PDE1C: variants seen among roughly 807,000 people sequenced by gnomAD.
PDE1C encodes the protein dual specificity calcium/calmodulin-dependent 3',5'-cyclic nucleotide phosphodiesterase 1C.
PDE1C carries 62 observed loss-of-function variants against 93.1 expected under a neutral mutation model. That is an observed-to-expected ratio of 0.67 (90% confidence interval 0.54 to 0.82). The LOEUF (loss-of-function observed/expected upper bound fraction) is 0.82. Ranked by LOEUF, PDE1C falls within the 40% of genes least tolerant of loss-of-function variation. The pLI is 0.00. For missense variants in PDE1C, 742 were observed against 884.6 expected (o/e 0.84, Z 2.04); for synonymous variants, 325 against 310.1 (o/e 1.05, Z -0.50).
At chr7:31,719,556 C>G in the PDE1C span, among the ~76,000 whole-genome samples, 1 of 152,204 alleles carries the variant, frequency 6.6e-6, no homozygotes, top group African/African-American at 2.4e-5. Context: ...AATGTTCTCA[C>G]AAGTTCCAGG....
chr7:32,205,733 C>T (rs887713444), intron 2 of PDE1C, among the ~76,000 whole-genome samples: 21 of 152,164 alleles, frequency 1.4e-4, no homozygotes, highest in African/African-American at 4.8e-4. Flanking sequence ...ACTCATTCTG[C>T]AGTTTCACTC....
At chr7:31,739,522 T>G in the PDE1C span, among the ~76,000 whole-genome samples, 7 of 152,312 alleles carry the variant, frequency 4.6e-5, no homozygotes, top group South Asian at 1.5e-3. Context: ...TTTTCTAATG[T>G]AATCATTCCG....
chr7:32,192,376 G>A (rs1316519579), intron 2 of PDE1C, among the ~76,000 whole-genome samples: 1 of 152,014 alleles, frequency 6.6e-6, no homozygotes, highest in East Asian at 1.9e-4. Flanking sequence ...TGTTTAATGT[G>A]TAAGACAGGT....
At chr7:31,998,235 G>A (rs1320412963) in intron 2 of PDE1C, among the ~76,000 whole-genome samples, 1 of 152,014 alleles carries the variant, frequency 6.6e-6, no homozygotes, top group East Asian at 1.9e-4. Context: ...TAGCCAGGAT[G>A]GTCTCGATCT....
intron 1 of PDE1C, among the ~76,000 whole-genome samples, chr7:32,211,477 C>T (rs1187802820): frequency 1.3e-5 from 2 of 151,824 alleles, no homozygotes; most frequent in Non-Finnish European, 2.9e-5. Flanking sequence ...TGCATATCCT[C>T]ACATCAGGAA....
intron 11 of PDE1C, among the ~76,000 whole-genome samples, chr7:31,832,535 AGT>A (rs1424558698): frequency 6.6e-6 from 1 of 152,238 alleles, no homozygotes; most frequent in Non-Finnish European, 1.5e-5. Context: ...AACACTCTAT[AGT>A]GCCATTGAGA....
chr7:32,330,064 A>G (rs1056502314), intron 1 of PDE1C, among the ~76,000 whole-genome samples: 2 of 152,270 alleles, frequency 1.3e-5, no homozygotes, highest in African/African-American at 4.8e-5. Context: ...TAGATTCAGA[A>G]CACATATCTT....
chr7:32,159,746 G>A (rs571036996), intron 3 of PDE1C, among the ~76,000 whole-genome samples: 3 of 152,170 alleles, frequency 2.0e-5, no homozygotes, highest in Non-Finnish European at 4.4e-5. Context: ...GGTGAGACCT[G>A]AGTGTCCTCT....
upstream of PDE1C, chr7:32,071,475 TTCCCTCCC>T (rs1156907115): frequency 5.6e-6 from 5 of 895,734 alleles, no homozygotes; most frequent in Non-Finnish European, 5.3e-6. Context: ...TCCTCCCTCA[TTCCCTCCC>T]TCCCTCCCTT....
At chr7:32,084,038 T>C (rs1796888883) in intron 3 of PDE1C, among the ~76,000 whole-genome samples, 2 of 151,722 alleles carry the variant, frequency 1.3e-5, no homozygotes, top group Admixed American at 1.3e-4. Context: ...AATGCTCCAA[T>C]TAAAAGACAC....
At chr7:31,702,029 C>T in the PDE1C span, among the ~76,000 whole-genome samples, 1 of 152,060 alleles carries the variant, frequency 6.6e-6, no homozygotes, top group Non-Finnish European at 1.5e-5. Flanking sequence ...TTTTAGAAGT[C>T]CTGCAAAAGG....
intron 15 of PDE1C, among the ~76,000 whole-genome samples, chr7:31,812,305 C>T (rs1483364566): frequency 3.3e-5 from 5 of 152,102 alleles, no homozygotes; most frequent in South Asian, 4.1e-4. Context: ...TTCAGGCTTT[C>T]CCCTTAACCA....
intron 2 of PDE1C, among the ~76,000 whole-genome samples, chr7:31,895,815 T>G (rs1799238563): frequency 6.6e-6 from 1 of 152,142 alleles, no homozygotes; most frequent in African/African-American, 2.4e-5. Flanking sequence ...GCACATGCTC[T>G]CTTGCCTGCT....
the PDE1C span, among the ~76,000 whole-genome samples, chr7:31,699,081 A>C: frequency 4.6e-5 from 7 of 152,176 alleles, no homozygotes; most frequent in South Asian, 1.0e-3. Flanking sequence ...GAGATAATTA[A>C]ATATTTGGTG....
chr7:31,933,676 T>C (rs1804634856), intron 2 of PDE1C, among the ~76,000 whole-genome samples: 1 of 152,156 alleles, frequency 6.6e-6, no homozygotes, highest in South Asian at 2.1e-4. Flanking sequence ...GCAGATACCT[T>C]ATGAATGACT....
At chr7:32,322,892 G>A (rs1470686903) in intron 1 of PDE1C, among the ~76,000 whole-genome samples, 7 of 152,076 alleles carry the variant, frequency 4.6e-5, no homozygotes, top group Admixed American at 2.0e-4. Context: ...GATTACAGGC[G>A]TGAGCCACCA....
At chr7:32,164,168 A>T (rs1802080695) in intron 3 of PDE1C, among the ~76,000 whole-genome samples, 1 of 152,194 alleles carries the variant, frequency 6.6e-6, no homozygotes, top group Admixed American at 6.6e-5. Context: ...TGCACCCCAG[A>T]CCTACTGAAT....
intron 2 of PDE1C, among the ~76,000 whole-genome samples, chr7:31,930,372 C>CA (rs1804026964): frequency 6.6e-6 from 1 of 151,956 alleles, no homozygotes; most frequent in Admixed American, 6.6e-5. Flanking sequence ...CTATTCCAAA[C>CA]AATAGAAAAA....
rs555332809 is a variant in PDE1C, at chr7:31,838,079, C to G, written c.981-108G>C. On this transcript the variant is annotated intron_variant, in intron 9 of 17. Coordinates refer to ENST00000396191, the MANE Select transcript of PDE1C (RefSeq NM_001191057.4). The stretch of plus-strand genomic sequence containing the variant: ...ATGAAAATCAGTCAACGATTTCTGA[C>G]ATTTCTAATCTAATTTGGGTCTTTA... The G allele has an allele frequency of 1.7e-4, 122 of 723,746 alleles. No individual in the cohort carries two copies. In the African/African-American group the frequency reaches 1.8e-3, roughly 11 times the overall value. The allele number at this position is 723,746 out of a possible 1,614,324, so 44.8% of individuals were successfully genotyped here. A position where few individuals can be genotyped will look rare whatever the true frequency, so the allele number is the denominator to read the frequency against.
Sources: gnomAD v4.1 joint callset for allele counts (sites outside exome capture counted in the v4.1 genomes callset) on GRCh38, gnomAD v4.1.1 for gene constraint, MANE v1.5 for transcripts, NCBI Gene and HGNC (gene_info 2026-07-23, HGNC 2026-07-21) for gene names.